RANBP2: variants seen among roughly 807,000 people sequenced by gnomAD.
The protein encoded by RANBP2 is RAN binding protein 2.
Under a neutral mutation model 303.6 loss-of-function variants are expected in RANBP2, and 57 were observed. The ratio of observed to expected loss-of-function variants is 0.19; its 90% CI spans 0.15 to 0.23. The LOEUF is 0.23. Ranked by LOEUF, RANBP2 falls within the 10% of genes least tolerant of loss-of-function variation. RANBP2 has a pLI of 1.00. For missense variants in RANBP2, 3,138 were observed against 3,780.8 expected (o/e 0.83, Z 4.46); for synonymous variants, 1,167 against 1,301.5 (o/e 0.90, Z 2.23).
the RANBP2 span, among the ~76,000 whole-genome samples, chr2:109,282,543 T>C: frequency 6.6e-6 from 1 of 152,116 alleles, no homozygotes; most frequent in African/African-American, 2.4e-5. Context: ...GGTACTGCCC[T>C]GTGCCTCAGC....
chr2:109,471,659 G>A, the RANBP2 span, among the ~76,000 whole-genome samples: 1 of 152,196 alleles, frequency 6.6e-6, no homozygotes, highest in Admixed American at 6.5e-5. Context: ...CAAGCCACCT[G>A]CTCCAGGACA....
At chr2:109,528,724 G>A in the RANBP2 span, among the ~76,000 whole-genome samples, 5 of 152,136 alleles carry the variant, frequency 3.3e-5, no homozygotes, top group African/African-American at 7.2e-5. Flanking sequence ...TCCCCAAAGC[G>A]TCCTACTCCC....
chr2:109,244,440 C>A, the RANBP2 span, among the ~76,000 whole-genome samples: 1 of 152,038 alleles, frequency 6.6e-6, no homozygotes, highest in Non-Finnish European at 1.5e-5. Flanking sequence ...TGATTTTTGC[C>A]CATGAATGCA....
chr2:109,454,073 A>G, the RANBP2 span, among the ~76,000 whole-genome samples: 2 of 152,348 alleles, frequency 1.3e-5, no homozygotes, highest in South Asian at 2.1e-4. Flanking sequence ...TATAATAATC[A>G]TATCATATAA....
chr2:109,234,857 C>A, the RANBP2 span, among the ~76,000 whole-genome samples: 1 of 152,210 alleles, frequency 6.6e-6, no homozygotes, highest in African/African-American at 2.4e-5. Flanking sequence ...TTGAACAGTT[C>A]TAGTTGCCAC....
chr2:109,588,656 A>C, the RANBP2 span, among the ~76,000 whole-genome samples: 1 of 151,920 alleles, frequency 6.6e-6, no homozygotes, highest in South Asian at 2.1e-4. Context: ...ACGCCTGGCT[A>C]ATTTTTGTAT....
chr2:109,748,795 C>T, the RANBP2 span, among the ~76,000 whole-genome samples: 1 of 150,448 alleles, frequency 6.6e-6, no homozygotes, highest in Non-Finnish European at 1.5e-5. Flanking sequence ...ATCGCTTGAA[C>T]CCAGGAGGCG....
At chr2:109,225,241 A>T in the RANBP2 span, among the ~76,000 whole-genome samples, 13 of 152,226 alleles carry the variant, frequency 8.5e-5, no homozygotes, top group Non-Finnish European at 1.5e-5. Flanking sequence ...CTATTTTAAT[A>T]ACGATAATAA....
chr2:109,488,374 T>C, the RANBP2 span, among the ~76,000 whole-genome samples: 1 of 152,202 alleles, frequency 6.6e-6, no homozygotes, highest in Non-Finnish European at 1.5e-5. Context: ...GGTCACCCTC[T>C]CATCAAGAAC....
chr2:109,622,848 C>T, the RANBP2 span, among the ~76,000 whole-genome samples: 1 of 152,188 alleles, frequency 6.6e-6, no homozygotes, highest in African/African-American at 2.4e-5. Context: ...CATTTTGAGG[C>T]CGGGCACAGT....
At chr2:109,575,723 T>C in the RANBP2 span, among the ~76,000 whole-genome samples, 15 of 152,240 alleles carry the variant, frequency 9.9e-5, no homozygotes, top group Admixed American at 7.2e-4. Flanking sequence ...AGTTCCCATG[T>C]CAAATTCCCT....
the RANBP2 span, among the ~76,000 whole-genome samples, chr2:109,012,662 C>G: frequency 5.3e-5 from 8 of 152,230 alleles, no homozygotes; most frequent in South Asian, 2.1e-4. Flanking sequence ...CGCCTGTAAT[C>G]CCAGCACTTT....
chr2:109,527,516 A>T, the RANBP2 span, among the ~76,000 whole-genome samples: 78 of 152,304 alleles, frequency 5.1e-4, 1 homozygote, highest in East Asian at 0.013. Flanking sequence ...GGAATAACGC[A>T]GGCCCTGTGG....
chr2:109,566,146 A>T, the RANBP2 span, among the ~76,000 whole-genome samples: 2 of 151,932 alleles, frequency 1.3e-5, no homozygotes, highest in East Asian at 1.9e-4. Flanking sequence ...TTTGAGACAG[A>T]GTCTTACTCT....
the RANBP2 span, among the ~76,000 whole-genome samples, chr2:109,281,851 C>A: frequency 6.6e-6 from 1 of 152,056 alleles, no homozygotes; most frequent in Non-Finnish European, 1.5e-5. Flanking sequence ...GCACACAGAC[C>A]CCCAGCGGGC....
the RANBP2 span, among the ~76,000 whole-genome samples, chr2:109,520,113 C>T: frequency 0.028 from 4,256 of 152,264 alleles, 221 homozygotes; most frequent in African/African-American, 0.097. Flanking sequence ...TACGGTACTA[C>T]GTGTAGTTTT....
Position 108,783,906 on chromosome 2 carries a change from A to G in RANBP2, c.*5A>G, listed in dbSNP as rs758831609. On this transcript the variant is annotated 3_prime_UTR_variant, in exon 29 of 29. Coordinates refer to ENST00000283195, the MANE Select transcript of RANBP2 (RefSeq NM_006267.5). ...ACAGAATGTGGACAGATATAAAATC[A>G]TTGTTGTTCATAGAAAATTTCATCT... 5 of 1,603,904 alleles carry G rather than the reference A, an allele frequency of 3.1e-6. No homozygotes were observed. Among genetic ancestry groups the G allele is most frequent in the South Asian group, 2.2e-5 (2 of 90,672 alleles).
chr2:109,129,550 G>C, the RANBP2 span: 2 of 1,495,656 alleles, frequency 1.3e-6, no homozygotes, highest in Admixed American at 4.3e-5. Flanking sequence ...CATGCTGCTC[G>C]GAGCGTCCTG....
chr2:109,576,834 CAG>C, the RANBP2 span, among the ~76,000 whole-genome samples: 1 of 151,922 alleles, frequency 6.6e-6, no homozygotes, highest in Non-Finnish European at 1.5e-5. Flanking sequence ...GTAAAAGACA[CAG>C]AAGATATAAT....
Sources: allele counts gnomAD v4.1 joint callset (sites outside exome capture counted in the v4.1 genomes callset), GRCh38; gene constraint gnomAD v4.1.1; transcripts MANE v1.5; gene names NCBI Gene and HGNC (gene_info 2026-07-23, HGNC 2026-07-21).